CRPPA: variants seen among roughly 807,000 people sequenced by gnomAD.
CRPPA encodes D-ribitol-5-phosphate cytidylyltransferase.
Under a neutral mutation model 52.0 loss-of-function variants are expected in CRPPA, and 43 were observed. The ratio of observed to expected loss-of-function variants is 0.83; its 90% CI spans 0.65 to 1.07. The LOEUF is 1.07. CRPPA is among the 50% of genes least tolerant of loss of function. The probability of loss-of-function intolerance (pLI) is 0.00; values close to 1 mark genes in which losing one functional copy is unlikely to be tolerated. For synonymous variants in CRPPA, 250 were observed against 203.5 expected, an observed-to-expected ratio of 1.23 and a Z score of -1.94; for missense variants, 629 against 551.7, an observed-to-expected ratio of 1.14 and a Z score of -1.40.
chr7:16,102,066 G>T (rs142921853), intron 9 of CRPPA, among the ~76,000 whole-genome samples: 1 of 152,028 alleles, frequency 6.6e-6, no homozygotes, highest in African/African-American at 2.4e-5. Context: ...ATACTACAAG[G>T]CTACTGTAAC....
chr7:16,250,963 G>C (rs1426691839), intron 8 of CRPPA, among the ~76,000 whole-genome samples: 1 of 151,918 alleles, frequency 6.6e-6, no homozygotes, highest in Non-Finnish European at 1.5e-5. Context: ...CCATCAGTGT[G>C]CTACATTCAG....
At chr7:16,115,905 G>C (rs1402108210) in intron 9 of CRPPA, among the ~76,000 whole-genome samples, 2 of 152,128 alleles carry the variant, frequency 1.3e-5, no homozygotes, top group African/African-American at 4.8e-5. Context: ...GAAAGACATA[G>C]ATGGCACAAA....
intron 3 of CRPPA, among the ~76,000 whole-genome samples, chr7:16,325,458 T>C (rs1785361729): frequency 6.6e-6 from 1 of 152,174 alleles, no homozygotes; most frequent in South Asian, 2.1e-4. Context: ...TCTCTTTTCC[T>C]TGCAAACACA....
chr7:16,172,342 C>A (rs1346012756), intron 9 of CRPPA, among the ~76,000 whole-genome samples: 1 of 152,022 alleles, frequency 6.6e-6, no homozygotes, highest in Admixed American at 6.6e-5. Flanking sequence ...ACAGCAGGAA[C>A]AGTCAAAAGC....
intron 8 of CRPPA, among the ~76,000 whole-genome samples, chr7:16,236,612 C>T (rs190704746): frequency 3.3e-4 from 50 of 152,230 alleles, no homozygotes; most frequent in African/African-American, 1.2e-3. Flanking sequence ...CAAAAGTAAT[C>T]TATTTTTAGG....
intron 3 of CRPPA, among the ~76,000 whole-genome samples, chr7:16,331,371 C>T (rs1057243948): frequency 3.3e-5 from 5 of 152,074 alleles, no homozygotes; most frequent in South Asian, 4.1e-4. Flanking sequence ...AATGCTTTCC[C>T]GCCCCCACAC....
intron 9 of CRPPA, among the ~76,000 whole-genome samples, chr7:16,102,246 C>T (rs926175438): frequency 5.3e-5 from 8 of 151,520 alleles, no homozygotes; most frequent in African/African-American, 1.7e-4. Flanking sequence ...GGAAAACTGG[C>T]TATCCATATA....
intron 9 of CRPPA, among the ~76,000 whole-genome samples, chr7:16,101,800 TAA>T (rs1357950252): frequency 6.6e-6 from 1 of 152,070 alleles, no homozygotes; most frequent in African/African-American, 2.4e-5. Context: ...CTCACGGAAA[TAA>T]GAGAGGACAC....
intron 9 of CRPPA, among the ~76,000 whole-genome samples, chr7:16,150,784 C>T (rs191734024): frequency 6.6e-6 from 1 of 152,296 alleles, no homozygotes; most frequent in East Asian, 1.9e-4. Context: ...AAGTCCAGTA[C>T]TGAGATGCCA....
chr7:16,207,064 T>C (rs929164167), intron 9 of CRPPA, among the ~76,000 whole-genome samples: 5 of 152,126 alleles, frequency 3.3e-5, no homozygotes, highest in African/African-American at 9.7e-5. Flanking sequence ...TATAATCCCA[T>C]TGTGATCAAA....
intron 2 of CRPPA, among the ~76,000 whole-genome samples, chr7:16,392,553 T>G (rs1243889724): frequency 6.6e-6 from 1 of 152,112 alleles, no homozygotes; most frequent in Non-Finnish European, 1.5e-5. Flanking sequence ...TCAGTTTTGG[T>G]GGGAGGGAGA....
intron 3 of CRPPA, among the ~76,000 whole-genome samples, chr7:16,347,097 C>T (rs777958530): frequency 1.3e-5 from 2 of 152,000 alleles, no homozygotes; most frequent in Non-Finnish European, 2.9e-5. Flanking sequence ...AGATGCTTTA[C>T]ATAGGTTAGC....
At chr7:16,285,397 A>C (rs1401959550) in intron 5 of CRPPA, among the ~76,000 whole-genome samples, 1 of 152,192 alleles carries the variant, frequency 6.6e-6, no homozygotes. Context: ...TTTTTACACT[A>C]TCCTATTTTT....
At chr7:16,177,421 C>G (rs1407969390) in intron 9 of CRPPA, among the ~76,000 whole-genome samples, 1 of 152,000 alleles carries the variant, frequency 6.6e-6, no homozygotes, top group African/African-American at 2.4e-5. Context: ...CATACAGAAT[C>G]GTAATTTTGT....
chr7:16,158,375 T>C (rs1041712654), intron 9 of CRPPA, among the ~76,000 whole-genome samples: 3 of 152,178 alleles, frequency 2.0e-5, no homozygotes, highest in Non-Finnish European at 4.4e-5. Context: ...ACACAATATG[T>C]AGCAGCAAAT....
rs1437187029 is a variant in CRPPA, at chr7:16,398,611, A to T, written c.534+7450T>A. On this transcript the variant is annotated intron_variant, in intron 2 of 9. Coordinates refer to ENST00000407010, the MANE Select transcript of CRPPA (RefSeq NM_001101426.4). ...GACTGACGTTGCTACAGCATGATTG[A>T]CACATCACCAACATGACTGACACGT... 2.1e-4 allele frequency among the ~76,000 whole-genome samples: 32 copies of T among 151,994 alleles called. 1 individual carries two copies. The highest frequency in any genetic ancestry group is 2.1e-3 in the Admixed American group (32 of 15,270).
Position 16,308,581 on chromosome 7 carries a change from G to A in CRPPA, c.731C>T (p.Ala244Val), listed in dbSNP as rs1784965583. ...LEFGTECLQL[A>V]LKYCCTKAKL... ...GGCTTTAGTGCAACAGTATTTTAGG[G>A]CCAATTGCAAACACTCAGTTCCAAA... Residue 244 changes from alanine to valine, a missense_variant, in exon 4 of 10, where the codon GCC (alanine) becomes GTC (valine). By Grantham distance (64) the Ala-to-Val change is moderately conservative (BLOSUM62 0). Coordinates refer to ENST00000407010, the MANE Select transcript of CRPPA (RefSeq NM_001101426.4). 1.2e-6 allele frequency: 2 copies of A among 1,611,196 alleles called. No homozygotes were observed. Among genetic ancestry groups the A allele is most frequent in the East Asian group, 4.5e-5 (2 of 44,824 alleles).
At chr7:16,262,526 G>A (rs1008877373) in intron 6 of CRPPA, among the ~76,000 whole-genome samples, 2 of 152,196 alleles carry the variant, frequency 1.3e-5, no homozygotes, top group South Asian at 2.1e-4. Context: ...GGAGAAGGAA[G>A]AGGTCTCAGG....
chr7:16,332,902 T>C (rs2128430549), intron 3 of CRPPA, among the ~76,000 whole-genome samples: 1 of 151,610 alleles, frequency 6.6e-6, no homozygotes, highest in East Asian at 1.9e-4. Context: ...TCACTTTAAA[T>C]ATAAAGACAC....
Sources: gnomAD v4.1 joint callset for allele counts (sites outside exome capture counted in the v4.1 genomes callset) on GRCh38, gnomAD v4.1.1 for gene constraint, MANE v1.5 for transcripts, NCBI Gene and HGNC (gene_info 2026-07-23, HGNC 2026-07-21) for gene names.